Variants in NLRC3 observed in about 807,000 individuals in gnomAD.
The protein encoded by NLRC3 is NLR family CARD domain containing 3.
A neutral mutation model predicts 91.6 loss-of-function variants in NLRC3; 87 were observed. That is an observed-to-expected ratio of 0.95 (90% CI 0.80 to 1.14). NLRC3 has a LOEUF of 1.14. Among genes scored for constraint, NLRC3 ranks in the 50% most tolerant of loss-of-function variants. The pLI is 0.00. For synonymous variants in NLRC3, 694 were observed against 625.3 expected (o/e 1.11, Z -1.64); for missense variants, 1,577 against 1,418.6 (o/e 1.11, Z -1.79).
At chr16:3,551,660 C>T (rs58903887) in intron 10 of NLRC3, among the ~76,000 whole-genome samples, 4,594 of 151,188 alleles carry the variant, frequency 0.03, 202 homozygotes, top group African/African-American at 0.099. Context: ...TCCATTCAAC[C>T]GTCCATCTAT....
chr16:3,557,050 G>A, intron 7 of NLRC3, 56 bp from the exon 8 acceptor site: 1 of 1,216,968 alleles, frequency 8.2e-7, no homozygotes, highest in Non-Finnish European at 1.2e-6. Flanking sequence ...GAGGGAAGGG[G>A]AAACAGAAAC....
At chr16:3,572,987 G>A (rs192127057) in intron 1 of NLRC3, among the ~76,000 whole-genome samples, 55 of 148,734 alleles carry the variant, frequency 3.7e-4, no homozygotes, top group African/African-American at 1.0e-3. Context: ...ACTCTAGCCT[G>A]GGCGATAGAG....
chr16:3,547,486 C>T (rs755632659), intron 15 of NLRC3, among the ~76,000 whole-genome samples: 2 of 151,732 alleles, frequency 1.3e-5, no homozygotes, highest in Admixed American at 6.6e-5. Flanking sequence ...ATTGCATCAC[C>T]GAATACACTA....
chr16:3,564,403 G>C lies in NLRC3; in HGVS notation c.534C>G (p.Thr178=). 1.2e-6 allele frequency: 2 copies of C among 1,612,688 alleles called. No homozygotes were observed. The highest frequency in any genetic ancestry group is 4.5e-5 in the East Asian group (2 of 44,888). The change falls in exon 5 of 20, where the codon ACC becomes ACG. Residue 178 remains threonine (T), a synonymous_variant. Coordinates refer to ENST00000359128, the MANE Select transcript of NLRC3 (RefSeq NM_178844.4). This position sits in a 1 kb window ranked among gnomAD's most constrained non-coding sequence, Gnocchi z 5.9. ...TCTCGTGGGTGTTGAGATCCCGGAA[G>C]GTCAGAGGCAGCACCAGCGAGAAGT... The part of the protein sequence containing the change: ...GKDFSLVLPL[T]FRDLNTHEKL...
At chr16:3,546,787 C>T (rs1056539850) in intron 15 of NLRC3, among the ~76,000 whole-genome samples, 3 of 151,960 alleles carry the variant, frequency 2.0e-5, no homozygotes, top group Non-Finnish European at 2.9e-5. Context: ...ACGTGGGAGT[C>T]GTTGGGACTT....
At chr16:3,554,099 T>G (rs1354199153) in intron 9 of NLRC3, 143 bp downstream of exon 9, 1 of 613,874 alleles carries the variant, frequency 1.6e-6, no homozygotes, top group African/African-American at 1.8e-5. Flanking sequence ...CGAAAAGTAA[T>G]GGGCATCAGG....
At chr16:3,557,829 C>G (rs2039420430) in intron 6 of NLRC3, among the ~76,000 whole-genome samples, 153 bp from the exon 7 acceptor site, 1 of 152,170 alleles carries the variant, frequency 6.6e-6, no homozygotes, top group Non-Finnish European at 1.5e-5. Flanking sequence ...GAGCAGAATG[C>G]CAGGCACAGC....
In NLRC3 at chr16:3,542,230, G is replaced by GCAAT; in HGVS notation, c.3064_3067dup (p.Ala1023AspfsTer43). The GCAAT allele has an allele frequency of 6.3e-7, 1 of 1,595,092 alleles. No individual in the cohort carries two copies. Among genetic ancestry groups the GCAAT allele is most frequent in the Non-Finnish European group, 8.5e-7 (1 of 1,170,622 alleles). On this transcript the variant is annotated frameshift_variant, in exon 19 of 20. Transcript: ENST00000359128. LOFTEE classifies it high-confidence loss of function. ...CCTGTGGTTTCCAGACAGTGCTGTG[G>GCAAT]CAATGCATATCGCCCCGTCCATCCC...
intron 6 of NLRC3, 66 bp from the exon 7 acceptor site, chr16:3,557,742 G>A: frequency 4.0e-6 from 4 of 997,420 alleles, no homozygotes; most frequent in East Asian, 2.5e-5. Context: ...CTTCCTCAAC[G>A]CTGTGCCCGT....
At position 3,549,185 on chromosome 16, in the gene NLRC3, TG is replaced by T; in HGVS notation, c.2559del (p.Ile854SerfsTer11). 6.3e-7 allele frequency: 1 copy of T among 1,589,712 alleles called. No individual in the cohort carries two copies. Among genetic ancestry groups the T allele is most frequent in the Non-Finnish European group, 8.6e-7 (1 of 1,167,958 alleles). On this transcript the variant is annotated frameshift_variant, in exon 13 of 20. Coordinates refer to ENST00000359128, the MANE Select transcript of NLRC3 (RefSeq NM_178844.4). LOFTEE classifies it high-confidence loss of function. ...CTGTTGGCGCAGAGGGCATGAGCGA[TG>T]GCCTGGGCTCCCTCGGGACTGATGG... Reference protein sequence around the residue: ...ENSISPEGAQAIAHALCANST... With the variant: ...ENSISPEGAQXIAHALCANST...
At chr16:3,554,405 C>T (rs538288187) in intron 8 of NLRC3, 80 bp from the exon 9 acceptor site, 9 of 1,056,932 alleles carry the variant, frequency 8.5e-6, no homozygotes, top group South Asian at 2.6e-5. Flanking sequence ...GCAGTGGGGG[C>T]ACCTCTGTGG....
intron 1 of NLRC3, among the ~76,000 whole-genome samples, chr16:3,570,978 G>C (rs1164077177): frequency 6.6e-6 from 1 of 152,170 alleles, no homozygotes; most frequent in Non-Finnish European, 1.5e-5. Context: ...TTATTAAATA[G>C]AAGATGTATA....
At chr16:3,556,849 T>C in intron 8 of NLRC3, 62 bp downstream of exon 8, 1 of 1,155,506 alleles carries the variant, frequency 8.7e-7, no homozygotes, top group Non-Finnish European at 1.3e-6. Context: ...AGGTGGTGCC[T>C]GAGGAGAGGG....
intron 6 of NLRC3, 95 bp from the exon 7 acceptor site, chr16:3,557,771 C>T: frequency 1.3e-6 from 1 of 773,648 alleles, no homozygotes; most frequent in Admixed American, 2.1e-5. Context: ...CTCTAGGCTC[C>T]CCCACATCAT....
chr16:3,550,593 TGGC>T, intron 10 of NLRC3, 96 bp from the exon 11 acceptor site: 3 of 865,638 alleles, frequency 3.5e-6, no homozygotes, highest in Non-Finnish European at 5.8e-6. Flanking sequence ...CTGGGAGGGC[TGGC>T]TCTGTTGTCT....
chr16:3,565,100 C>G, intron 3 of NLRC3, 40 bp from the exon 4 acceptor site: 1 of 1,503,746 alleles, frequency 6.7e-7, no homozygotes, highest in South Asian at 1.2e-5. Context: ...TGCCGTGCCC[C>G]CCATCCAGCA....
At chr16:3,544,398 C>G in intron 15 of NLRC3, 69 bp from the exon 16 acceptor site, 1 of 1,088,036 alleles carries the variant, frequency 9.2e-7, no homozygotes, top group Non-Finnish European at 1.4e-6. Flanking sequence ...CCCTGCCGCA[C>G]TTGGACCTGC....
chr16:3,572,633 A>AT (rs1174347916), intron 1 of NLRC3, among the ~76,000 whole-genome samples: 1 of 152,204 alleles, frequency 6.6e-6, no homozygotes, highest in Non-Finnish European at 1.5e-5. Flanking sequence ...ATAAATTAGT[A>AT]TAACAATTCT....
chr16:3,546,394 TAAA>T (rs57467448), intron 15 of NLRC3, among the ~76,000 whole-genome samples: 1 of 134,136 alleles, frequency 7.5e-6, no homozygotes, highest in Non-Finnish European at 1.6e-5. Flanking sequence ...CCGTCTCTAT[TAAA>T]AAAAAAAAAA....
Sources: allele counts gnomAD v4.1 joint callset (sites outside exome capture counted in the v4.1 genomes callset), GRCh38; gene constraint gnomAD v4.1.1; non-coding constraint Gnocchi (gnomAD v3.1); transcripts MANE v1.5; gene names NCBI Gene and HGNC (gene_info 2026-07-23, HGNC 2026-07-21).